PLCG2: variants seen among roughly 807,000 people sequenced by gnomAD.
The protein encoded by PLCG2 is 1-phosphatidylinositol 4,5-bisphosphate phosphodiesterase gamma-2.
A neutral mutation model predicts 175.6 loss-of-function variants in PLCG2; 69 were observed. That is an observed-to-expected ratio of 0.39 (90% CI 0.32 to 0.48). PLCG2 has a LOEUF of 0.48. PLCG2 is among the 20% of genes least tolerant of loss of function. PLCG2 has a pLI of 0.91. For missense variants in PLCG2, 1,798 were observed against 1,650.9 expected (o/e 1.09, Z -1.54); for synonymous variants, 827 against 624.0 (o/e 1.33, Z -4.85).
upstream of PLCG2, among the ~76,000 whole-genome samples, chr16:81,775,210 A>T (rs1039564071): frequency 4.6e-5 from 7 of 152,172 alleles, no homozygotes; most frequent in African/African-American, 1.7e-4. Context: ...GCAGCCCTGT[A>T]CCCCTTATCT....
intron 3 of PLCG2, among the ~76,000 whole-genome samples, chr16:81,857,017 A>G (rs2143483067): frequency 6.6e-6 from 1 of 152,318 alleles, no homozygotes; most frequent in Middle Eastern, 3.4e-3. Context: ...GAATTCAGAG[A>G]TCTCATGCAA....
At chr16:81,837,170 G>T (rs1000923470) in intron 2 of PLCG2, among the ~76,000 whole-genome samples, 2 of 152,226 alleles carry the variant, frequency 1.3e-5, no homozygotes, top group African/African-American at 4.8e-5. Context: ...CAAAGAACGA[G>T]AATACATATA....
intron 31 of PLCG2, among the ~76,000 whole-genome samples, chr16:81,948,068 G>T (rs769403583): frequency 7.1e-6 from 1 of 140,642 alleles, no homozygotes; most frequent in Non-Finnish European, 1.7e-5. Flanking sequence ...GAGTCAAGTC[G>T]TTGGCAGTTC....
chr16:81,806,002 C>G lies in PLCG2; in HGVS notation c.193+19820C>G, dbSNP rs1010657637. Among the ~76,000 whole-genome samples the G allele has an allele frequency of 1.9e-4, 29 of 151,732 alleles. No homozygotes were observed. The East Asian group carries it at 5.0e-3, about 26-fold the overall frequency. On this transcript the variant is annotated intron_variant, in intron 2 of 32. Coordinates refer to ENST00000564138, the MANE Select transcript of PLCG2 (RefSeq NM_002661.5). ...TAAAGGTAAAAAGAGGTGAAACTAA[C>G]TTTATTAATAAATTTTATTTAACTC...
intron 9 of PLCG2, among the ~76,000 whole-genome samples, chr16:81,887,923 A>G (rs148829037): frequency 1.3e-5 from 2 of 152,112 alleles, no homozygotes; most frequent in Non-Finnish European, 2.9e-5. Flanking sequence ...CTGCTTTGGA[A>G]CTGGTCATGT....
rs150403033 is a variant in PLCG2, at chr16:81,816,408, C to T, written c.193+30226C>T. Reference sequence around the variant, plus strand: ...AATTAGGCTTCAGATACTGAACTATCTGGCATATCCTATTTTGGGACCATG... The same window carrying T: ...AATTAGGCTTCAGATACTGAACTATTTGGCATATCCTATTTTGGGACCATG... On this transcript the variant is annotated intron_variant, in intron 2 of 32. Coordinates refer to ENST00000564138, the MANE Select transcript of PLCG2 (RefSeq NM_002661.5). 1.4e-3 allele frequency among the ~76,000 whole-genome samples: 217 copies of T among 152,134 alleles called. 1 individual carries two copies. Among genetic ancestry groups the T allele is most frequent in the African/African-American group, 3.2e-3 (131 of 41,504 alleles).
At chr16:81,753,413 T>C (rs1420251148) in intron 1 of PLCG2, among the ~76,000 whole-genome samples, 2 of 148,488 alleles carry the variant, frequency 1.3e-5, no homozygotes, top group African/African-American at 5.0e-5. Context: ...ATTTTGACCA[T>C]TTAATTTAAT....
chr16:81,769,908 C>T (rs1177252683), intron 2 of PLCG2, among the ~76,000 whole-genome samples: 1 of 151,300 alleles, frequency 6.6e-6, no homozygotes, highest in South Asian at 2.1e-4. Context: ...ACCTGCCGGT[C>T]GCTTAATGCC....
At chr16:81,775,311 A>G (rs1183813389), upstream of PLCG2, among the ~76,000 whole-genome samples, 1 of 152,116 alleles carries the variant, frequency 6.6e-6, no homozygotes, top group African/African-American at 2.4e-5. Flanking sequence ...AATTCTGCAT[A>G]TGCTATAGGT....
chr16:81,915,766 C>T (rs978436916), intron 19 of PLCG2, among the ~76,000 whole-genome samples: 1 of 151,854 alleles, frequency 6.6e-6, no homozygotes, highest in African/African-American at 2.4e-5. Flanking sequence ...GACCTTGGCT[C>T]TGTACCTCGG....
At chr16:81,768,309 A>G (rs1227954536) in intron 2 of PLCG2, among the ~76,000 whole-genome samples, 1 of 152,238 alleles carries the variant, frequency 6.6e-6, no homozygotes, top group Non-Finnish European at 1.5e-5. Flanking sequence ...TCACAAATGA[A>G]GGACATTTGG....
intron 7 of PLCG2, 56 bp downstream of exon 7, chr16:81,870,991 C>G (rs925897821): frequency 1.7e-5 from 16 of 950,070 alleles, no homozygotes; most frequent in East Asian, 2.5e-5. Context: ...CATGTATTTC[C>G]AAGTCTGGCA....
At chr16:81,768,552 GTTT>G (rs769292122) in intron 2 of PLCG2, among the ~76,000 whole-genome samples, 4 of 105,422 alleles carry the variant, frequency 3.8e-5, no homozygotes, top group African/African-American at 1.2e-4. Flanking sequence ...GTTATCCTCA[GTTT>G]TTTTTTTTTT....
At chr16:81,771,365 C>G (rs1489799782) in intron 2 of PLCG2, among the ~76,000 whole-genome samples, 1 of 152,184 alleles carries the variant, frequency 6.6e-6, no homozygotes, top group Non-Finnish European at 1.5e-5. Flanking sequence ...GTAGCCAGGA[C>G]TATTCTGACT....
At chr16:81,763,429 T>C (rs919731531) in intron 2 of PLCG2, among the ~76,000 whole-genome samples, 2 of 152,236 alleles carry the variant, frequency 1.3e-5, no homozygotes, top group Non-Finnish European at 2.9e-5. Flanking sequence ...TGCAGGTGGA[T>C]GCCAACTTGG....
At chr16:81,818,662 A>T (rs1904658104) in intron 2 of PLCG2, among the ~76,000 whole-genome samples, 1 of 152,106 alleles carries the variant, frequency 6.6e-6, no homozygotes, top group Non-Finnish European at 1.5e-5. Context: ...TTTTCTCTGC[A>T]GCAGCAAGCC....
chr16:81,743,466 G>A (rs750370620), intron 1 of PLCG2, among the ~76,000 whole-genome samples: 1 of 152,244 alleles, frequency 6.6e-6, no homozygotes, highest in African/African-American at 2.4e-5. Flanking sequence ...AGCGACCTGC[G>A]TGGTCAAAAG....
intron 22 of PLCG2, among the ~76,000 whole-genome samples, chr16:81,925,452 C>T (rs1386668331): frequency 8.6e-5 from 13 of 151,872 alleles, no homozygotes; most frequent in East Asian, 1.9e-4. Context: ...AGAAATGGTG[C>T]GGGGGGGCGT....
intron 7 of PLCG2, among the ~76,000 whole-genome samples, chr16:81,879,844 G>C (rs962660709): frequency 2.0e-5 from 3 of 152,184 alleles, no homozygotes; most frequent in Non-Finnish European, 4.4e-5. Flanking sequence ...TGGTGGAAGA[G>C]CCTCTTCATC....
Sources: gnomAD v4.1 joint callset for allele counts (sites outside exome capture counted in the v4.1 genomes callset) on GRCh38, gnomAD v4.1.1 for gene constraint, MANE v1.5 for transcripts, NCBI Gene and HGNC (gene_info 2026-07-23, HGNC 2026-07-21) for gene names.